The following ANKRD11 variants were observed in gnomAD, a reference collection of about 807,000 sequenced individuals.
ANKRD11 encodes ankyrin repeat domain 11.
ANKRD11 carries 17 observed loss-of-function variants against 195.7 expected under a neutral mutation model. That is an observed-to-expected ratio of 0.09 (90% CI 0.06 to 0.13). ANKRD11 has a LOEUF of 0.13. Ranked by LOEUF, ANKRD11 falls within the 10% of genes least tolerant of loss-of-function variation. The pLI is 1.00. For missense variants in ANKRD11, 3,735 were observed against 3,566.1 expected (o/e 1.05, Z -1.21); for synonymous variants, 1,953 against 1,528.1 (o/e 1.28, Z -6.49).
At chr16:89,341,500 G>A (rs1289787563) in intron 2 of ANKRD11, among the ~76,000 whole-genome samples, 4 of 152,082 alleles carry the variant, frequency 2.6e-5, no homozygotes, top group Non-Finnish European at 5.9e-5. Context: ...CCTTAGCAAC[G>A]GCTCTAAACA....
At chr16:89,300,831 AT>A (rs2035807707) in intron 4 of ANKRD11, 1 of 701,606 alleles carries the variant, frequency 1.4e-6, no homozygotes, top group African/African-American at 1.7e-5. Flanking sequence ...TCAAAGCAAA[AT>A]AAGAAAATCA....
chr16:89,344,628 G>A (rs2038852589), intron 2 of ANKRD11, among the ~76,000 whole-genome samples: 2 of 152,226 alleles, frequency 1.3e-5, no homozygotes, highest in African/African-American at 4.8e-5. Flanking sequence ...CCAGGCTGAG[G>A]GGCCCAGGAA....
chr16:89,291,235 C>T lies in ANKRD11; in HGVS notation c.227-52G>A. ...AGGAGAGATTTCATGCCATGGTGTC[C>T]TCCAAAGCTAGGTCCTTACCTAATG... On this transcript the variant is annotated intron_variant, in intron 4 of 12. Transcript: ENST00000301030. The surrounding 1 kb of genome is among the most constrained non-coding windows in gnomAD (Gnocchi z 5.3). The T allele has an allele frequency of 1.2e-6, 2 of 1,605,014 alleles. No individual in the cohort carries two copies. The highest frequency in any genetic ancestry group is 1.1e-5 in the South Asian group (1 of 90,938).
intron 2 of ANKRD11, among the ~76,000 whole-genome samples, chr16:89,349,133 G>GAAAAAAAAAAAAAAAAAAAAAAAAAAA (rs2039078338): frequency 6.3e-4 from 1 of 1,576 alleles, no homozygotes; most frequent in African/African-American, 4.3e-3. Flanking sequence ...GTCTCAAAAA[G>GAAAAAAAAAAAAAAAAAAAAAAAAAAA]TAAAAAAAAA....
At position 89,405,172 on chromosome 16, in the gene ANKRD11, C is replaced by T. The variant is rs548747270; in HGVS notation, c.-60+13112G>A. On this transcript the variant is annotated intron_variant, in intron 2 of 12. Coordinates refer to ENST00000301030, the MANE Select transcript of ANKRD11 (RefSeq NM_013275.6). Reference sequence around the variant, plus strand: ...TCACGCCATTGCACTCCAGCCTGGGCGACAGAGCAAGACTCCATCTCAAAA... The same window carrying T: ...TCACGCCATTGCACTCCAGCCTGGGTGACAGAGCAAGACTCCATCTCAAAA... Among the ~76,000 whole-genome samples, 4 of 151,958 alleles carry T rather than the reference C, an allele frequency of 2.6e-5. No homozygotes were observed. The South Asian group carries it at 6.3e-4, about 24-fold the overall frequency.
intron 2 of ANKRD11, among the ~76,000 whole-genome samples, chr16:89,319,556 G>A (rs1028235724): frequency 3.3e-5 from 5 of 152,172 alleles, no homozygotes; most frequent in South Asian, 2.1e-4. Context: ...CCTCGTGTCC[G>A]CCTGGCCTTG....
At chr16:89,401,747 C>T (rs2152164612) in intron 2 of ANKRD11, among the ~76,000 whole-genome samples, 1 of 152,234 alleles carries the variant, frequency 6.6e-6, no homozygotes, top group East Asian at 1.9e-4. Context: ...AACTAGCTTC[C>T]TTCTACAAAG....
At chr16:89,404,101 C>T (rs559494819) in intron 2 of ANKRD11, among the ~76,000 whole-genome samples, 29 of 152,172 alleles carry the variant, frequency 1.9e-4, no homozygotes, top group African/African-American at 5.1e-4. Flanking sequence ...GCTGCTAGCC[C>T]GGCACATGAT....
At chr16:89,489,571 GATA>G (rs1182659624) in intron 1 of ANKRD11, among the ~76,000 whole-genome samples, 1 of 151,532 alleles carries the variant, frequency 6.6e-6, no homozygotes, top group African/African-American at 2.4e-5. Flanking sequence ...TCAAAACAGC[GATA>G]ATAATAGGGA....
chr16:89,442,025 G>C (rs998086430), intron 1 of ANKRD11, among the ~76,000 whole-genome samples: 2 of 152,180 alleles, frequency 1.3e-5, no homozygotes, highest in African/African-American at 4.8e-5. Context: ...ATCAGGGTTA[G>C]CTGTGACTAA....
At chr16:89,323,266 G>A (rs1295040177) in intron 2 of ANKRD11, 6 of 1,279,798 alleles carry the variant, frequency 4.7e-6, no homozygotes, top group African/African-American at 1.5e-5. Flanking sequence ...TGCATACCTG[G>A]CAGGCCTACT....
chr16:89,278,934 T>C (rs1015170494), intron 9 of ANKRD11, 138 bp downstream of exon 9: 19 of 1,368,678 alleles, frequency 1.4e-5, no homozygotes, highest in Non-Finnish European at 1.8e-5. Context: ...AGTGGGGCTG[T>C]GTCTCCTCAG....
At chr16:89,361,796 G>A (rs1388358725) in intron 2 of ANKRD11, 1 of 152,114 alleles carries the variant, frequency 6.6e-6, no homozygotes, top group Non-Finnish European at 1.5e-5. Context: ...AAAGTAAAAA[G>A]ATTTAAGCTT....
chr16:89,312,574 T>A (rs1214598904), intron 3 of ANKRD11, among the ~76,000 whole-genome samples: 1 of 152,246 alleles, frequency 6.6e-6, no homozygotes, highest in Non-Finnish European at 1.5e-5. Context: ...TCCTCTGTGA[T>A]GCTGCTCTAT....
At chr16:89,387,625 A>G (rs1454176647) in intron 2 of ANKRD11, among the ~76,000 whole-genome samples, 1 of 148,840 alleles carries the variant, frequency 6.7e-6, no homozygotes, top group African/African-American at 2.5e-5. Flanking sequence ...GTGAGCCGAG[A>G]CTGCACCACT....
At chr16:89,302,511 A>G (rs1325484996) in intron 4 of ANKRD11, among the ~76,000 whole-genome samples, 1 of 152,128 alleles carries the variant, frequency 6.6e-6, no homozygotes, top group Non-Finnish European at 1.5e-5. Context: ...TCGGCCTCCC[A>G]AAGTACTGGG....
At chr16:89,446,096 C>T (rs138141887) in intron 1 of ANKRD11, among the ~76,000 whole-genome samples, 6 of 150,128 alleles carry the variant, frequency 4.0e-5, no homozygotes, top group African/African-American at 1.5e-4. Context: ...CACTTAGAAC[C>T]ACCATCTTTA....
intron 2 of ANKRD11, among the ~76,000 whole-genome samples, chr16:89,345,731 A>T (rs1345806703): frequency 1.3e-5 from 2 of 152,218 alleles, no homozygotes; most frequent in Admixed American, 1.3e-4. Flanking sequence ...ATGAACAAAC[A>T]TTTCAGAAAA....
intron 1 of ANKRD11, among the ~76,000 whole-genome samples, chr16:89,482,925 C>T (rs915863262): frequency 6.6e-6 from 1 of 152,196 alleles, no homozygotes; most frequent in Non-Finnish European, 1.5e-5. Context: ...CCCCTGGAGC[C>T]TCCAGAAGGA....
Sources: allele counts gnomAD v4.1 joint callset (sites outside exome capture counted in the v4.1 genomes callset), GRCh38; gene constraint gnomAD v4.1.1; non-coding constraint Gnocchi (gnomAD v3.1); transcripts MANE v1.5; gene names NCBI Gene and HGNC (gene_info 2026-07-23, HGNC 2026-07-21).